The following DMXL1 variants were observed in gnomAD, a reference collection of about 807,000 sequenced individuals.
The protein encoded by DMXL1 is dmX-like protein 1.
A neutral mutation model predicts 319.2 loss-of-function variants in DMXL1; 99 were observed. The ratio of observed to expected loss-of-function variants is 0.31; its 90% confidence interval spans 0.26 to 0.37. The LOEUF (loss-of-function observed/expected upper bound fraction) is 0.37, where lower values mean the gene tolerates loss of function less well. Among genes scored for constraint, DMXL1 ranks in the 10% least tolerant of loss-of-function variants. DMXL1 has a pLI of 1.00. For missense variants in DMXL1, 3,745 were observed against 3,595.6 expected, an observed-to-expected ratio of 1.04 and a Z score of -1.06; for synonymous variants, 1,385 against 1,235.2, an observed-to-expected ratio of 1.12 and a Z score of -2.54.
chr5:119,214,465 G>T (rs1783331976), intron 34 of DMXL1, among the ~76,000 whole-genome samples: 1 of 152,078 alleles, frequency 6.6e-6, no homozygotes, highest in Non-Finnish European at 1.5e-5. Flanking sequence ...TCCACCAATG[G>T]TTTCGCTGCC....
chr5:119,086,640 G>A (rs1028655087), intron 1 of DMXL1, among the ~76,000 whole-genome samples: 1 of 152,086 alleles, frequency 6.6e-6, no homozygotes, highest in Non-Finnish European at 1.5e-5. Flanking sequence ...TTCTTTAAAT[G>A]TTTGATAGAA....
chr5:119,247,220 C>T lies in DMXL1; in HGVS notation c.*1C>T. 1.2e-6 allele frequency: 2 copies of T among 1,601,062 alleles called. No individual in the cohort carries two copies. The highest frequency in any genetic ancestry group is 1.7e-6 in the Non-Finnish European group (2 of 1,169,070). On this transcript the variant is annotated 3_prime_UTR_variant, in exon 44 of 44. Coordinates refer to ENST00000539542, the MANE Select transcript of DMXL1 (RefSeq NM_001290321.3). ...AAATGATGTGAAATTTATGCTATAACATTTTTACAATAAGATGTACAATTT... is the reference window on the plus strand; with the variant it reads ...AAATGATGTGAAATTTATGCTATAATATTTTTACAATAAGATGTACAATTT...
intron 28 of DMXL1, among the ~76,000 whole-genome samples, chr5:119,187,062 C>A (rs1334935256): frequency 6.7e-6 from 1 of 150,206 alleles, no homozygotes; most frequent in Admixed American, 6.6e-5. Context: ...TACGATAGAA[C>A]TTAAAGTATA....
In DMXL1 at chr5:119,164,512, T is replaced by C. The variant is rs889997535; in HGVS notation, c.4708T>C (p.Ser1570Pro). ...YRAQLLHQGLSTSHFAWAFHS... is the reference protein window; with the variant it reads ...YRAQLLHQGLPTSHFAWAFHS... ...CATTTTTTACATTTCTTCAGGCCTG[T>C]CTACAAGTCATTTTGCTTGGGCATT... Residue 1570 changes from serine to proline, a missense_variant, in exon 20 of 44, where the codon TCT (serine) becomes CCT (proline). Ser to Pro is a moderately conservative substitution (Grantham distance 74). This residue lies in a region of DMXL1 where 2,096 missense variants were observed against 1,985.4 expected (regional missense o/e 1.06). Transcript: ENST00000539542. The C allele has an allele frequency of 6.2e-7, 1 of 1,613,776 alleles. No homozygotes were observed. The highest frequency in any genetic ancestry group is 2.2e-5 in the East Asian group (1 of 44,866).
chr5:119,114,929 A>C (rs531928176), intron 6 of DMXL1, among the ~76,000 whole-genome samples: 18 of 152,300 alleles, frequency 1.2e-4, no homozygotes, highest in African/African-American at 4.3e-4. Context: ...CGGCCTCCCA[A>C]AGTGCTGAGA....
chr5:119,109,023 A>G (rs1758975794), intron 4 of DMXL1, among the ~76,000 whole-genome samples: 1 of 150,296 alleles, frequency 6.7e-6, no homozygotes, highest in African/African-American at 2.5e-5. Context: ...TTAATCTTGG[A>G]CTCCCGACCT....
At chr5:119,210,757 G>GTTTTTTTTTTTTTTTTTTTTTCCTT in intron 34 of DMXL1, among the ~76,000 whole-genome samples, 21 of 89,778 alleles carry the variant, frequency 2.3e-4, no homozygotes, top group East Asian at 1.0e-3. Flanking sequence ...TTTTTCTTTC[G>GTTTTTTTTTTTTTTTTTTTTTCCTT]TTTTTTTTTT....
At chr5:119,245,496 T>C (rs1313427559) in intron 43 of DMXL1, among the ~76,000 whole-genome samples, 1 of 152,096 alleles carries the variant, frequency 6.6e-6, no homozygotes, top group Non-Finnish European at 1.5e-5. Context: ...ACTTTCTTAT[T>C]TGGACTGACT....
chr5:119,117,951 G>A (rs1163795804), intron 7 of DMXL1, among the ~76,000 whole-genome samples: 1 of 152,180 alleles, frequency 6.6e-6, no homozygotes, highest in Non-Finnish European at 1.5e-5. Context: ...AGATATGTAT[G>A]CTGGAACAAG....
At chr5:119,166,048 T>G (rs909922591) in intron 21 of DMXL1, among the ~76,000 whole-genome samples, 1 of 152,238 alleles carries the variant, frequency 6.6e-6, no homozygotes, top group African/African-American at 2.4e-5. Flanking sequence ...ACCTTCTTTC[T>G]GAGCTGAATT....
intron 19 of DMXL1, among the ~76,000 whole-genome samples, chr5:119,155,345 CAT>C (rs1373565825): frequency 2.0e-5 from 3 of 152,024 alleles, no homozygotes; most frequent in African/African-American, 7.3e-5. Flanking sequence ...CCATTGGGGA[CAT>C]GTGTAATTCA....
At chr5:119,074,873 A>T (rs1206731959) in intron 1 of DMXL1, among the ~76,000 whole-genome samples, 1 of 152,224 alleles carries the variant, frequency 6.6e-6, no homozygotes, top group African/African-American at 2.4e-5. Flanking sequence ...GTTGATTTCC[A>T]ATGTGGTCCC....
intron 19 of DMXL1, among the ~76,000 whole-genome samples, chr5:119,153,362 T>C (rs146512527): frequency 6.6e-6 from 1 of 152,342 alleles, no homozygotes; most frequent in African/African-American, 2.4e-5. Flanking sequence ...TTCTGATATA[T>C]GTATACAAAG....
chr5:119,222,621 T>C (rs915173312), intron 37 of DMXL1, among the ~76,000 whole-genome samples: 20 of 152,178 alleles, frequency 1.3e-4, no homozygotes, highest in Non-Finnish European at 1.2e-4. Flanking sequence ...TTCTATTCTT[T>C]ACACAGCAGC....
At chr5:119,139,480 T>G (rs1285763892) in intron 13 of DMXL1, among the ~76,000 whole-genome samples, 1 of 152,166 alleles carries the variant, frequency 6.6e-6, no homozygotes, top group African/African-American at 2.4e-5. Flanking sequence ...CCATCCTGAT[T>G]TCAGACAAAG....
At chr5:119,077,634 CTTTT>C (rs1051388359) in intron 1 of DMXL1, among the ~76,000 whole-genome samples, 11 of 70,714 alleles carry the variant, frequency 1.6e-4, no homozygotes, top group African/African-American at 4.7e-4. Flanking sequence ...CCATTCCTGG[CTTTT>C]TTTTTTTTTT....
In DMXL1 at chr5:119,220,601, C is replaced by T. The variant is rs1404970218; in HGVS notation, c.8135+8C>T. The T allele has an allele frequency of 1.2e-6, 2 of 1,608,478 alleles. No individual in the cohort carries two copies. The highest frequency in any genetic ancestry group is 1.7e-6 in the Non-Finnish European group (2 of 1,178,540). ...AGAAGTGGAAACCAAAGGGTACCTT[C>T]ATAGTTTGTTTCTATTTAGTAATGT... On this transcript the variant is annotated splice_region_variant and intron_variant, in intron 36 of 43. Coordinates refer to ENST00000539542, the MANE Select transcript of DMXL1 (RefSeq NM_001290321.3).
intron 39 of DMXL1, chr5:119,236,949 T>G (rs1354717472): frequency 6.6e-6 from 1 of 152,482 alleles, no homozygotes; most frequent in East Asian, 1.9e-4. Flanking sequence ...TGTTTGTTTC[T>G]GAAAATCCTT....
At chr5:119,202,682 C>T (rs1218055499) in intron 32 of DMXL1, among the ~76,000 whole-genome samples, 1 of 151,590 alleles carries the variant, frequency 6.6e-6, no homozygotes, top group Admixed American at 6.6e-5. Flanking sequence ...GAAACCCTGT[C>T]TCTACTAAAA....
Sources: gnomAD v4.1 joint callset for allele counts (sites outside exome capture counted in the v4.1 genomes callset) on GRCh38, gnomAD v4.1.1 for gene constraint, gnomAD v4.1.1 regional missense constraint, MANE v1.5 for transcripts, NCBI Gene and HGNC (gene_info 2026-07-23, HGNC 2026-07-21) for gene names.